The following PPFIBP1 variants were observed in gnomAD, a reference collection of about 807,000 sequenced individuals.
The protein encoded by PPFIBP1 is liprin-beta-1.
PPFIBP1 carries 112 observed loss-of-function variants against 137.8 expected under a neutral mutation model. The ratio of observed to expected loss-of-function variants is 0.81; its 90% confidence interval spans 0.70 to 0.95. The LOEUF (loss-of-function observed/expected upper bound fraction) is 0.95. Ranked by LOEUF, PPFIBP1 falls within the 40% of genes least tolerant of loss-of-function variation. The pLI is 0.00. For synonymous variants in PPFIBP1, 378 were observed against 417.3 expected (o/e 0.91, Z 1.15); for missense variants, 1,083 against 1,196.6 (o/e 0.91, Z 1.40).
chr12:27,692,845 C>G lies in PPFIBP1; in HGVS notation c.2981C>G (p.Pro994Arg). The G allele has an allele frequency of 1.2e-6, 2 of 1,614,104 alleles. No individual in the cohort carries two copies. The highest frequency in any genetic ancestry group is 8.5e-7 in the Non-Finnish European group (1 of 1,180,008). ...TTTAAAGATTTTGCTGCCCGTTCCCCCAGTGCCAGCATTACAGATGAAGAC... is the reference window on the plus strand; with the variant it reads ...TTTAAAGATTTTGCTGCCCGTTCCCGCAGTGCCAGCATTACAGATGAAGAC... The part of the protein sequence containing the change: ...DMFKDFAARS[P>R]SASITDEDSN... Residue 994 changes from proline to arginine, a missense_variant, in exon 30 of 30, where the codon CCC (proline) becomes CGC (arginine). Transcript: ENST00000228425.
intron 10 of PPFIBP1, 37 bp from the exon 11 acceptor site, chr12:27,660,847 T>TG (rs2059502289): frequency 1.2e-6 from 2 of 1,605,604 alleles, no homozygotes; most frequent in Non-Finnish European, 1.7e-6. Flanking sequence ...GTCACACATG[T>TG]GAACTGAACT....
intron 6 of PPFIBP1, among the ~76,000 whole-genome samples, chr12:27,648,880 G>T (rs933757523): frequency 6.6e-6 from 1 of 152,170 alleles, no homozygotes; most frequent in African/African-American, 2.4e-5. Context: ...GAGAGGTGGA[G>T]GATGGCGAAG....
chr12:27,622,268 C>CG (rs957353450), intron 2 of PPFIBP1, among the ~76,000 whole-genome samples: 7 of 152,018 alleles, frequency 4.6e-5, no homozygotes, highest in Non-Finnish European at 1.0e-4. Flanking sequence ...GCCAGTTTGC[C>CG]CCCCCAGAGC....
At chr12:27,684,092 C>T (rs1254286331) in intron 24 of PPFIBP1, among the ~76,000 whole-genome samples, 4 of 141,352 alleles carry the variant, frequency 2.8e-5, no homozygotes, top group African/African-American at 1.1e-4. Context: ...TGGCCTTGTT[C>T]TACTTAAAAT....
intron 10 of PPFIBP1, among the ~76,000 whole-genome samples, chr12:27,660,001 GA>G (rs1565959580): frequency 5.4e-5 from 8 of 148,588 alleles, no homozygotes; most frequent in Non-Finnish European, 1.5e-5. Context: ...AACTTTAGCT[GA>G]TTTTTTTTTT....
At chr12:27,626,526 T>C (rs2056831307) in intron 2 of PPFIBP1, among the ~76,000 whole-genome samples, 1 of 151,468 alleles carries the variant, frequency 6.6e-6, no homozygotes, top group Non-Finnish European at 1.5e-5. Flanking sequence ...CTGCCTCTGG[T>C]GTTTCTGATT....
At chr12:27,648,848 G>A (rs942583826) in intron 6 of PPFIBP1, among the ~76,000 whole-genome samples, 2 of 148,062 alleles carry the variant, frequency 1.4e-5, no homozygotes, top group African/African-American at 2.5e-5. Context: ...CCATAGGCTG[G>A]GTAGGGTAGT....
chr12:27,692,937 C>G lies in PPFIBP1; in HGVS notation c.*55C>G, dbSNP rs1466507010. The G allele has an allele frequency of 4.4e-6, 7 of 1,604,614 alleles. No individual in the cohort carries two copies. Among genetic ancestry groups the G allele is most frequent in the Middle Eastern group, 1.6e-4 (1 of 6,064 alleles). On this transcript the variant is annotated 3_prime_UTR_variant, in exon 30 of 30. Transcript: ENST00000228425. ...CTTAGTCTTTTTTCTACTTGCTTTT[C>G]CAAACACTCACAGTATATACAACAG...
At chr12:27,541,399 T>C (rs1490547153) in intron 1 of PPFIBP1, among the ~76,000 whole-genome samples, 1 of 151,634 alleles carries the variant, frequency 6.6e-6, no homozygotes, top group Non-Finnish European at 1.5e-5. Context: ...CATAGATTCC[T>C]GAAACATCTG....
Position 27,603,104 on chromosome 12 carries a change from C to A in PPFIBP1, c.-36+24865C>A, listed in dbSNP as rs1565853990. ...TTCATGCAACACCAAATACAGGCAA[C>A]CTACAGTCCTCTCCTCGCTCTCTGT... On this transcript the variant is annotated intron_variant, in intron 2 of 29. Transcript: ENST00000228425. Among the ~76,000 whole-genome samples, 6 of 152,196 alleles carry A rather than the reference C, an allele frequency of 3.9e-5. No homozygotes were observed. In the South Asian group the frequency reaches 1.0e-3, roughly 26 times the overall value.
At chr12:27,644,697 G>T (rs2058352657) in intron 4 of PPFIBP1, among the ~76,000 whole-genome samples, 1 of 152,148 alleles carries the variant, frequency 6.6e-6, no homozygotes, top group Admixed American at 6.5e-5. Flanking sequence ...GTAATTTAAT[G>T]CTGGGCACTT....
At position 27,656,754 on chromosome 12, in the gene PPFIBP1, A is replaced by G. The variant is rs375907782; in HGVS notation, c.811+24A>G. 4 of 1,459,014 alleles carry G rather than the reference A, an allele frequency of 2.7e-6. No homozygotes were observed. The African/African-American group carries it at 4.2e-5, about 15-fold the overall frequency. 90.4% of individuals were successfully genotyped at this position (1,459,014 alleles called of 1,614,324 possible). A position where few individuals can be genotyped will look rare whatever the true frequency, so the allele number is the denominator to read the frequency against. The stretch of plus-strand genomic sequence containing the variant: ...AGGTAAGAAGATATATTTCACATTT[A>G]TCATCTCATTTTGTTAAAGTCCTCC... On this transcript the variant is annotated intron_variant, in intron 9 of 29. Coordinates refer to ENST00000228425, the MANE Select transcript of PPFIBP1 (RefSeq NM_003622.4).
At chr12:27,533,123 C>A (rs1449287898) in intron 1 of PPFIBP1, among the ~76,000 whole-genome samples, 1 of 152,106 alleles carries the variant, frequency 6.6e-6, no homozygotes, top group Non-Finnish European at 1.5e-5. Context: ...GACTCAGCCT[C>A]CCGAGTAGCT....
At chr12:27,624,817 T>C (rs1290592735) in intron 2 of PPFIBP1, among the ~76,000 whole-genome samples, 4 of 152,220 alleles carry the variant, frequency 2.6e-5, no homozygotes, top group African/African-American at 4.8e-5. Flanking sequence ...GGTTTATAAA[T>C]ATTTGGTGAG....
intron 1 of PPFIBP1, among the ~76,000 whole-genome samples, chr12:27,564,073 A>G (rs945004902): frequency 5.9e-5 from 9 of 151,974 alleles, no homozygotes; most frequent in Non-Finnish European, 1.2e-4. Context: ...GAGTTTCACC[A>G]TATTGGCCAG....
intron 5 of PPFIBP1, among the ~76,000 whole-genome samples, chr12:27,647,311 CT>C (rs557398994): frequency 1.3e-4 from 20 of 152,078 alleles, no homozygotes; most frequent in African/African-American, 4.1e-4. Context: ...CCTCTCCCCC[CT>C]ACCCCTGGCC....
At chr12:27,589,022 C>CGTTG (rs1315092655) in intron 2 of PPFIBP1, among the ~76,000 whole-genome samples, 1 of 152,062 alleles carries the variant, frequency 6.6e-6, no homozygotes, top group East Asian at 1.9e-4. Context: ...GAAAGCACAG[C>CGTTG]GTTGTTCTAT....
At chr12:27,605,700 A>G (rs1022382474) in intron 2 of PPFIBP1, among the ~76,000 whole-genome samples, 1 of 152,180 alleles carries the variant, frequency 6.6e-6, no homozygotes, top group African/African-American at 2.4e-5. Flanking sequence ...TCTGTGGGCC[A>G]CACAATTCAA....
At chr12:27,632,508 A>G (rs1179681293) in intron 2 of PPFIBP1, among the ~76,000 whole-genome samples, 2 of 152,240 alleles carry the variant, frequency 1.3e-5, no homozygotes, top group African/African-American at 4.8e-5. Flanking sequence ...TGCAAGCATT[A>G]TCTCAATATA....
Sources: allele counts gnomAD v4.1 joint callset (sites outside exome capture counted in the v4.1 genomes callset), GRCh38; gene constraint gnomAD v4.1.1; transcripts MANE v1.5; gene names NCBI Gene and HGNC (gene_info 2026-07-23, HGNC 2026-07-21).